Variants in LRRC4C observed in about 807,000 individuals in gnomAD.
The protein encoded by LRRC4C is leucine rich repeat containing 4C.
In LRRC4C, 5 loss-of-function variants were observed where a neutral mutation model predicts 33.6. The ratio of observed to expected loss-of-function variants is 0.15; its 90% CI spans 0.08 to 0.31. The LOEUF is 0.31. Among genes scored for constraint, LRRC4C ranks in the 10% least tolerant of loss-of-function variants. LRRC4C has a pLI of 1.00. For synonymous variants in LRRC4C, 329 were observed against 302.0 expected, an observed-to-expected ratio of 1.09 and a Z score of -0.93; for missense variants, 560 against 796.7, an observed-to-expected ratio of 0.70 and a Z score of 3.58.
At chr11:41,255,372 T>G (rs555249474) in intron 1 of LRRC4C, among the ~76,000 whole-genome samples, 13 of 152,000 alleles carry the variant, frequency 8.6e-5, no homozygotes, top group African/African-American at 3.1e-4. Context: ...GACAGAAAGC[T>G]CAAAGACCTG....
chr11:40,159,036 G>A (rs1002261524), intron 5 of LRRC4C, among the ~76,000 whole-genome samples: 7 of 152,114 alleles, frequency 4.6e-5, no homozygotes, highest in Admixed American at 1.3e-4. Context: ...AGTGGAGTTG[G>A]GGATGGATTG....
intron 1 of LRRC4C, among the ~76,000 whole-genome samples, chr11:41,161,836 C>A (rs1007384986): frequency 2.0e-5 from 3 of 152,130 alleles, no homozygotes; most frequent in African/African-American, 7.2e-5. Flanking sequence ...ACTCACTCAA[C>A]CCAACAGGAC....
At chr11:40,650,332 A>T (rs1417489204) in intron 2 of LRRC4C, among the ~76,000 whole-genome samples, 1 of 152,144 alleles carries the variant, frequency 6.6e-6, no homozygotes, top group Admixed American at 6.5e-5. Context: ...CTTTTTTCCA[A>T]AATAACAAGA....
chr11:40,707,010 T>C (rs1028381258), intron 2 of LRRC4C, among the ~76,000 whole-genome samples: 5 of 152,212 alleles, frequency 3.3e-5, no homozygotes, highest in African/African-American at 7.2e-5. Flanking sequence ...TGGCCCTCTG[T>C]TTGTCTGTTA....
chr11:41,324,537 G>A lies in LRRC4C; in HGVS notation c.-496+134894C>T, dbSNP rs114073749. On this transcript the variant is annotated intron_variant, in intron 1 of 6. Transcript: ENST00000528697. ...ATTATAGTGATAATAATCCTTCAGC[G>A]AATTTTTGTAAGGTTTGAATGACAT... Among the ~76,000 whole-genome samples the A allele has an allele frequency of 5.6e-3, 852 of 152,270 alleles. 9 individuals carry two copies. The highest frequency in any genetic ancestry group is 0.019 in the African/African-American group (793 of 41,548).
intron 1 of LRRC4C, among the ~76,000 whole-genome samples, chr11:41,449,335 A>C (rs1221171221): frequency 6.6e-6 from 1 of 152,068 alleles, no homozygotes; most frequent in African/African-American, 2.4e-5. Context: ...AAACCAAGAA[A>C]CTCTAGCAGG....
At chr11:40,294,565 A>T in intron 4 of LRRC4C, among the ~76,000 whole-genome samples, 1 of 152,118 alleles carries the variant, frequency 6.6e-6, no homozygotes, top group Non-Finnish European at 1.5e-5. Context: ...GCGGTGTCTC[A>T]CGCCTGTAAT....
In LRRC4C at chr11:40,264,339, A is replaced by G. The variant is rs998107268; in HGVS notation, c.-175-22741T>C. ...TCTTATAGTTGCTGGGTTAAAAAAA[A>G]TTTTCCAATTTTCAAAACCATTCTC... is the stretch of plus-strand genomic sequence containing the variant. On this transcript the variant is annotated intron_variant, in intron 4 of 6. Coordinates refer to ENST00000528697, the MANE Select transcript of LRRC4C (RefSeq NM_001258419.2). Among the ~76,000 whole-genome samples, 3 of 152,198 alleles carry G rather than the reference A, an allele frequency of 2.0e-5. 1 individual carries two copies. Among genetic ancestry groups the G allele is most frequent in the Admixed American group, 6.5e-5 (1 of 15,274 alleles).
intron 2 of LRRC4C, among the ~76,000 whole-genome samples, chr11:40,686,442 A>G (rs557459251): frequency 1.3e-5 from 2 of 152,098 alleles, no homozygotes; most frequent in African/African-American, 4.8e-5. Flanking sequence ...GCAGCTTTTA[A>G]AATGTGCTGA....
intron 2 of LRRC4C, among the ~76,000 whole-genome samples, chr11:40,863,691 A>G (rs1209439085): frequency 6.6e-6 from 1 of 152,234 alleles, no homozygotes; most frequent in Non-Finnish European, 1.5e-5. Context: ...AATCTGACAG[A>G]AGAATAAAGC....
intron 3 of LRRC4C, among the ~76,000 whole-genome samples, chr11:40,561,701 C>T (rs902157145): frequency 4.6e-5 from 7 of 152,050 alleles, no homozygotes; most frequent in African/African-American, 1.7e-4. Context: ...CATGAGCCAC[C>T]GCGCCCGGCC....
chr11:40,141,201 T>G (rs1418600591), intron 5 of LRRC4C, among the ~76,000 whole-genome samples: 1 of 152,142 alleles, frequency 6.6e-6, no homozygotes, highest in African/African-American at 2.4e-5. Flanking sequence ...TGCATTATAA[T>G]GATGGATAGG....
chr11:40,288,092 G>A (rs1943964045), intron 4 of LRRC4C, among the ~76,000 whole-genome samples: 1 of 152,142 alleles, frequency 6.6e-6, no homozygotes, highest in Non-Finnish European at 1.5e-5. Context: ...ACGGCAGACA[G>A]TTCCATGCAG....
intron 1 of LRRC4C, among the ~76,000 whole-genome samples, chr11:41,078,209 C>G (rs1004981976): frequency 3.9e-5 from 6 of 152,194 alleles, no homozygotes; most frequent in Admixed American, 1.3e-4. Context: ...TCTTCTGAGG[C>G]CTCCAAGTCT....
chr11:41,059,229 A>T (rs1269292873), intron 1 of LRRC4C, among the ~76,000 whole-genome samples: 1 of 16,968 alleles, frequency 5.9e-5, no homozygotes, highest in Non-Finnish European at 1.9e-4. Context: ...TTTTTTTAAG[A>T]AAAAGAGAAA....
intron 3 of LRRC4C, among the ~76,000 whole-genome samples, chr11:40,552,591 T>C (rs888670073): frequency 2.0e-5 from 3 of 152,126 alleles, no homozygotes; most frequent in African/African-American, 7.2e-5. Flanking sequence ...GAAACAAACA[T>C]AAGGCCAACT....
intron 6 of LRRC4C, among the ~76,000 whole-genome samples, chr11:40,118,993 G>A (rs943173798): frequency 4.6e-5 from 7 of 152,124 alleles, no homozygotes; most frequent in African/African-American, 1.4e-4. Context: ...GCCAGAGAGC[G>A]ATCCAGTTTC....
intron 1 of LRRC4C, among the ~76,000 whole-genome samples, chr11:41,021,212 A>AGTGTGTGTGT (rs1855956842): frequency 1.5e-5 from 2 of 133,580 alleles, no homozygotes; most frequent in African/African-American, 5.7e-5. Flanking sequence ...AGAGAGAGAG[A>AGTGTGTGTGT]GAGTGTGTGT....
At chr11:40,859,457 G>C (rs1011021675) in intron 2 of LRRC4C, among the ~76,000 whole-genome samples, 2 of 151,950 alleles carry the variant, frequency 1.3e-5, no homozygotes, top group Non-Finnish European at 2.9e-5. Context: ...TATTTAGTAA[G>C]ACTGTACTCA....
Sources: allele counts gnomAD v4.1 joint callset (sites outside exome capture counted in the v4.1 genomes callset), GRCh38; gene constraint gnomAD v4.1.1; transcripts MANE v1.5; gene names NCBI Gene and HGNC (gene_info 2026-07-23, HGNC 2026-07-21).